PPFIBP2: variants seen among roughly 807,000 people sequenced by gnomAD.
PPFIBP2 encodes the protein PPFIB scaffold protein 2.
In PPFIBP2, 118 loss-of-function variants were observed where a neutral mutation model predicts 118.3. The observed-to-expected ratio is 1.00, with a 90% CI of 0.86 to 1.16. The LOEUF is 1.16. Ranked by LOEUF, PPFIBP2 falls within the 50% of genes most tolerant of loss-of-function variation. The pLI, the probability that PPFIBP2 is intolerant of heterozygous loss-of-function variation, is 0.00. For missense variants in PPFIBP2, 1,195 were observed against 1,073.1 expected, an observed-to-expected ratio of 1.11 and a Z score of -1.59; for synonymous variants, 414 against 397.4, an observed-to-expected ratio of 1.04 and a Z score of -0.50.
chr11:7,554,632 C>G (rs1051002691), intron 2 of PPFIBP2, among the ~76,000 whole-genome samples: 2 of 152,040 alleles, frequency 1.3e-5, no homozygotes, highest in African/African-American at 4.8e-5. Context: ...AGCCACGGTG[C>G]GATGGCCTTT....
chr11:7,567,909 GA>G (rs1022958045), intron 3 of PPFIBP2, among the ~76,000 whole-genome samples: 1 of 152,220 alleles, frequency 6.6e-6, no homozygotes, highest in African/African-American at 2.4e-5. Flanking sequence ...TAAAGTTTAA[GA>G]AGCGCTGCGT....
chr11:7,657,365 T>C (rs539634586), downstream of PPFIBP2, among the ~76,000 whole-genome samples: 195 of 152,248 alleles, frequency 1.3e-3, 3 homozygotes, highest in South Asian at 0.014. Context: ...CCCACAGCAC[T>C]GCCTGACTCT....
chr11:7,592,141 A>G (rs1283459451), intron 3 of PPFIBP2, among the ~76,000 whole-genome samples: 2 of 152,130 alleles, frequency 1.3e-5, no homozygotes, highest in Non-Finnish European at 2.9e-5. Flanking sequence ...ACATTTAGCA[A>G]TCAGATCTAC....
At chr11:7,632,754 G>A (rs1459047272) in intron 11 of PPFIBP2, 113 bp from the exon 12 acceptor site, 5 of 785,794 alleles carry the variant, frequency 6.4e-6, no homozygotes, top group East Asian at 2.6e-5. Flanking sequence ...CACCATGGCT[G>A]CACCCAGGGA....
intron 16 of PPFIBP2, 169 bp from the exon 17 acceptor site, chr11:7,642,129 G>A: frequency 2.6e-6 from 2 of 763,496 alleles, no homozygotes; most frequent in Non-Finnish European, 4.1e-6. Flanking sequence ...CTTGAGTCTG[G>A]CCAAGGAGCT....
intron 1 of PPFIBP2, among the ~76,000 whole-genome samples, chr11:7,522,046 G>A (rs1347440642): frequency 6.6e-6 from 1 of 152,174 alleles, no homozygotes; most frequent in South Asian, 2.1e-4. Context: ...TGGAAAAGAC[G>A]TGGTAAAACT....
chr11:7,586,200 T>G (rs1228547433), intron 3 of PPFIBP2, among the ~76,000 whole-genome samples: 2 of 152,204 alleles, frequency 1.3e-5, no homozygotes, highest in Non-Finnish European at 2.9e-5. Flanking sequence ...TATTGTTCCC[T>G]TGGGTTGTTT....
chr11:7,541,127 G>A (rs2134441467), intron 1 of PPFIBP2, among the ~76,000 whole-genome samples: 1 of 152,322 alleles, frequency 6.6e-6, no homozygotes, highest in Non-Finnish European at 1.5e-5. Flanking sequence ...CATTCCATCA[G>A]TTCCTCAACT....
intron 1 of PPFIBP2, among the ~76,000 whole-genome samples, chr11:7,532,633 C>T (rs1850812794): frequency 6.6e-6 from 1 of 152,228 alleles, no homozygotes; most frequent in Non-Finnish European, 1.5e-5. Context: ...CCGTGTGGCC[C>T]TCGGAACTCC....
At chr11:7,615,329 C>A (rs1157199332) in intron 6 of PPFIBP2, among the ~76,000 whole-genome samples, 1 of 131,832 alleles carries the variant, frequency 7.6e-6, no homozygotes, top group Non-Finnish European at 1.6e-5. Context: ...GAGTGAGACT[C>A]CGTCTCAAAA....
chr11:7,545,656 G>A (rs4076808), intron 1 of PPFIBP2, among the ~76,000 whole-genome samples: 83,742 of 151,982 alleles, frequency 0.55, 25,450 homozygotes, highest in African/African-American at 0.82. Flanking sequence ...GGCTCTTGGA[G>A]CGTGTCCTCC....
chr11:7,653,829 G>T (rs537021255), downstream of PPFIBP2: 108 of 1,179,222 alleles, frequency 9.2e-5, 1 homozygote, highest in South Asian at 1.6e-3. Context: ...GAGTCCTACG[G>T]ATTGCAGAGC....
downstream of PPFIBP2, chr11:7,656,846 A>T (rs567012301): frequency 1.6e-6 from 2 of 1,263,776 alleles, no homozygotes; most frequent in Non-Finnish European, 2.1e-6. Context: ...GGGGCCCCGG[A>T]GCCTTTGCTT....
At position 7,632,691 on chromosome 11, in the gene PPFIBP2, C is replaced by G. The variant is rs1850929196; in HGVS notation, c.1069-176C>G. 1.5e-5 allele frequency: 8 copies of G among 551,632 alleles called. No homozygotes were observed. In the South Asian group the frequency reaches 1.5e-4, roughly 10 times the overall value. 34.2% of individuals were successfully genotyped at this position (551,632 alleles called of 1,614,324 possible). On this transcript the variant is annotated intron_variant, in intron 11 of 23. Transcript: ENST00000299492. ...AAGCTGGCCCAGATGGACTGATAAG[C>G]CTACCACACCCCCTTGCATCTTGAA...
In PPFIBP2 at chr11:7,565,547, T is replaced by C; in HGVS notation, c.65-6T>C. Reference sequence around the variant, plus strand: ...TTACTGAGTTTTCACCTCTCTCTCATTGCAGGCACTAAAACAGGTGCAGAT... The same window carrying C: ...TTACTGAGTTTTCACCTCTCTCTCACTGCAGGCACTAAAACAGGTGCAGAT... On this transcript the variant is annotated splice_polypyrimidine_tract_variant and splice_region_variant and intron_variant, in intron 2 of 23. Coordinates refer to ENST00000299492, the MANE Select transcript of PPFIBP2 (RefSeq NM_003621.5). The C allele has an allele frequency of 5.0e-6, 8 of 1,614,138 alleles. No individual in the cohort carries two copies. Among genetic ancestry groups the C allele is most frequent in the Middle Eastern group, 3.3e-4 (2 of 6,056 alleles).
chr11:7,565,844 G>T, intron 3 of PPFIBP2, 77 bp downstream of exon 3: 1 of 1,475,092 alleles, frequency 6.8e-7, no homozygotes, highest in East Asian at 2.3e-5. Flanking sequence ...CTGCTGACTG[G>T]GGCTGTTGAG....
chr11:7,547,673 C>G (rs1470450286), intron 1 of PPFIBP2, among the ~76,000 whole-genome samples: 1 of 152,156 alleles, frequency 6.6e-6, no homozygotes, highest in African/African-American at 2.4e-5. Flanking sequence ...AGCTCTGTTC[C>G]TTGTTGCAGC....
Position 7,651,744 on chromosome 11 carries a change from C to G in PPFIBP2, c.2336C>G (p.Thr779Ser), listed in dbSNP as rs377494136. 10 of 1,614,176 alleles carry G rather than the reference C, an allele frequency of 6.2e-6. No homozygotes were observed. The African/African-American group carries it at 1.3e-4, about 22-fold the overall frequency. Residue 779 changes from threonine to serine, a missense_variant, in exon 23 of 24, where the codon ACC (threonine) becomes AGC (serine). Physicochemically the swap from Thr to Ser is moderately conservative, Grantham distance 58 (BLOSUM62 1). Transcript: ENST00000299492. The part of the protein sequence containing the change: ...QKTLLRRHLT[T>S]KFNALIGPEA... ...ACGCTCCTCAGGCGCCACCTGACCACCAAGTTCAATGCCTTGATTGGTCCG... is the reference window on the plus strand; with the variant it reads ...ACGCTCCTCAGGCGCCACCTGACCAGCAAGTTCAATGCCTTGATTGGTCCG...
At chr11:7,524,129 C>T (rs1339649532) in intron 1 of PPFIBP2, among the ~76,000 whole-genome samples, 6 of 150,844 alleles carry the variant, frequency 4.0e-5, no homozygotes, top group East Asian at 1.9e-4. Context: ...TGTGTCTGTG[C>T]GTGTGTGTGT....
Sources: allele counts gnomAD v4.1 joint callset (sites outside exome capture counted in the v4.1 genomes callset), GRCh38; gene constraint gnomAD v4.1.1; transcripts MANE v1.5; gene names NCBI Gene and HGNC (gene_info 2026-07-23, HGNC 2026-07-21).